SEMA3A: variants seen among roughly 807,000 people sequenced by gnomAD.
SEMA3A encodes semaphorin-3A.
A neutral mutation model predicts 97.9 loss-of-function variants in SEMA3A; 29 were observed. That is an observed-to-expected ratio of 0.30 (90% confidence interval 0.22 to 0.40). The LOEUF is 0.40. SEMA3A is among the 10% of genes least tolerant of loss of function. The pLI, the probability that SEMA3A is intolerant of heterozygous loss-of-function variation, is 1.00. For synonymous variants in SEMA3A, 321 were observed against 323.7 expected (o/e 0.99, Z 0.09); for missense variants, 763 against 951.3 (o/e 0.80, Z 2.60).
chr7:84,212,366 A>C (rs533401424), intron 3 of SEMA3A, among the ~76,000 whole-genome samples: 1 of 152,318 alleles, frequency 6.6e-6, no homozygotes, highest in Admixed American at 6.5e-5. Flanking sequence ...TGGGGAAATT[A>C]ATTCTCTTTT....
At chr7:84,240,548 T>C (rs1428444721) in intron 3 of SEMA3A, among the ~76,000 whole-genome samples, 1 of 152,066 alleles carries the variant, frequency 6.6e-6, no homozygotes, top group East Asian at 1.9e-4. Flanking sequence ...AATTCAGAAA[T>C]TGGAAGAGGC....
intron 3 of SEMA3A, among the ~76,000 whole-genome samples, chr7:84,267,893 T>A (rs1430912390): frequency 6.6e-6 from 1 of 152,174 alleles, no homozygotes; most frequent in African/African-American, 2.4e-5. Flanking sequence ...TATAAATGCT[T>A]GCTTGTATTT....
chr7:84,087,400 A>T (rs1226805880), intron 4 of SEMA3A, among the ~76,000 whole-genome samples: 1 of 152,222 alleles, frequency 6.6e-6, no homozygotes, highest in Admixed American at 6.5e-5. Flanking sequence ...TCATTTCTAC[A>T]GCATTTGTTG....
intron 1 of SEMA3A, among the ~76,000 whole-genome samples, chr7:84,137,400 C>CAAAAAA (rs59886680): frequency 5.0e-5 from 5 of 100,606 alleles, no homozygotes; most frequent in East Asian, 2.8e-4. Flanking sequence ...CATTCAGTCT[C>CAAAAAA]AAAAAAAAAA....
chr7:84,062,308 A>G (rs1793253156), intron 4 of SEMA3A, among the ~76,000 whole-genome samples: 2 of 152,196 alleles, frequency 1.3e-5, no homozygotes, highest in Admixed American at 1.3e-4. Context: ...AGGCATTTAA[A>G]TATTAAAATT....
intron 12 of SEMA3A, among the ~76,000 whole-genome samples, chr7:83,994,777 G>C (rs897580279): frequency 6.6e-6 from 1 of 151,708 alleles, no homozygotes; most frequent in Non-Finnish European, 1.5e-5. Context: ...TTGTTTGTCT[G>C]TGCCCTGCCC....
At chr7:83,980,388 C>T (rs1016314824) in intron 14 of SEMA3A, among the ~76,000 whole-genome samples, 12 of 151,474 alleles carry the variant, frequency 7.9e-5, no homozygotes, top group African/African-American at 1.9e-4. Context: ...ATGAGGATCA[C>T]GAGGTTAGGA....
intron 2 of SEMA3A, among the ~76,000 whole-genome samples, chr7:84,325,186 G>A (rs1188337931): frequency 6.6e-6 from 1 of 151,602 alleles, no homozygotes; most frequent in Non-Finnish European, 1.5e-5. Flanking sequence ...TTATTTAGTT[G>A]GGTCAAGTAT....
rs78707583 is a variant in SEMA3A at position 84,012,202 on chromosome 7, T to A, written c.811-905A>T. ...TAAAAATGAATTATATTACTGAAAA[T>A]TGTGAAAAGAGTAGATTTTAAGTCT... On this transcript the variant is annotated intron_variant, in intron 7 of 16. Coordinates refer to ENST00000265362, the MANE Select transcript of SEMA3A (RefSeq NM_006080.3). Among the ~76,000 whole-genome samples, 220 of 152,212 alleles carry A rather than the reference T, an allele frequency of 1.4e-3. 2 individuals are homozygous for A. The East Asian group carries it at 0.016, about 11-fold the overall frequency.
At chr7:83,975,659 T>G (rs17245595) in intron 15 of SEMA3A, among the ~76,000 whole-genome samples, 9 of 151,924 alleles carry the variant, frequency 5.9e-5, no homozygotes, top group Admixed American at 2.6e-4. Context: ...ATGTTTCATT[T>G]TGATATGGAG....
intron 1 of SEMA3A, among the ~76,000 whole-genome samples, chr7:84,455,980 T>C (rs1270166142): frequency 6.6e-6 from 1 of 151,898 alleles, no homozygotes; most frequent in African/African-American, 2.4e-5. Context: ...TGGATACATA[T>C]TCTGTCTACA....
At chr7:84,011,863 T>C (rs1169974063) in intron 7 of SEMA3A, among the ~76,000 whole-genome samples, 1 of 151,486 alleles carries the variant, frequency 6.6e-6, no homozygotes, top group Non-Finnish European at 1.5e-5. Flanking sequence ...TACTCATAAA[T>C]TTATATAATC....
chr7:84,100,146 C>T (rs1794914324), intron 4 of SEMA3A, among the ~76,000 whole-genome samples: 1 of 152,090 alleles, frequency 6.6e-6, no homozygotes, highest in East Asian at 1.9e-4. Context: ...CATCCATTTC[C>T]AAATTCCAGT....
chr7:84,071,010 T>C (rs1054896243), intron 4 of SEMA3A, among the ~76,000 whole-genome samples: 1 of 152,132 alleles, frequency 6.6e-6, no homozygotes, highest in African/African-American at 2.4e-5. Flanking sequence ...TATTGTGACA[T>C]ATTGCACTTT....
chr7:84,031,814 C>A (rs1328335233), intron 6 of SEMA3A, among the ~76,000 whole-genome samples: 1 of 151,846 alleles, frequency 6.6e-6, no homozygotes. Flanking sequence ...CCAGCCTGGG[C>A]AACAAGAGTG....
intron 3 of SEMA3A, among the ~76,000 whole-genome samples, chr7:84,255,365 C>T (rs11972960): frequency 0.36 from 53,948 of 151,852 alleles, 10,583 homozygotes; most frequent in Middle Eastern, 0.46. Context: ...TGTCTTCATC[C>T]AGGATTTCCA....
intron 4 of SEMA3A, among the ~76,000 whole-genome samples, chr7:84,103,303 G>C (rs1286927875): frequency 6.6e-6 from 1 of 151,972 alleles, no homozygotes; most frequent in Non-Finnish European, 1.5e-5. Flanking sequence ...ATCGAGTCAG[G>C]CTTTGTTTCT....
intron 3 of SEMA3A, among the ~76,000 whole-genome samples, chr7:84,216,757 T>A (rs1798764155): frequency 6.6e-6 from 1 of 152,094 alleles, no homozygotes; most frequent in Non-Finnish European, 1.5e-5. Context: ...TGACAGACTC[T>A]CCAAGAAAAT....
intron 1 of SEMA3A, among the ~76,000 whole-genome samples, chr7:84,398,476 C>T (rs770617081): frequency 3.3e-5 from 5 of 152,050 alleles, no homozygotes; most frequent in African/African-American, 7.2e-5. Flanking sequence ...TGACTGAAGC[C>T]GTTAAAAATC....
Sources: gnomAD v4.1 joint callset for allele counts (sites outside exome capture counted in the v4.1 genomes callset) on GRCh38, gnomAD v4.1.1 for gene constraint, MANE v1.5 for transcripts, NCBI Gene and HGNC (gene_info 2026-07-23, HGNC 2026-07-21) for gene names.